The following MRTFB variants were observed in gnomAD, a reference collection of about 807,000 sequenced individuals.
MRTFB encodes the protein myocardin-related transcription factor B.
A neutral mutation model predicts 104.2 loss-of-function variants in MRTFB; 29 were observed. The observed-to-expected ratio is 0.28, with a 90% CI of 0.21 to 0.38. MRTFB has a LOEUF of 0.38. MRTFB is among the 10% of genes least tolerant of loss of function. The probability of loss-of-function intolerance (pLI) is 1.00; values close to 1 mark genes in which losing one functional copy is unlikely to be tolerated. For missense variants in MRTFB, 1,270 were observed against 1,341.6 expected (o/e 0.95, Z 0.83); for synonymous variants, 535 against 519.5 (o/e 1.03, Z -0.41).
rs1362449598 is a variant in MRTFB at position 14,261,863 on chromosome 16, A to C, written c.*419A>C. 6.4e-6 allele frequency: 1 copy of C among 156,766 alleles called. No individual in the cohort carries two copies. The highest frequency in any genetic ancestry group is 1.4e-5 in the Non-Finnish European group (1 of 71,082). 9.7% of individuals were successfully genotyped at this position (156,766 alleles called of 1,614,324 possible). On this transcript the variant is annotated 3_prime_UTR_variant, in exon 17 of 17. Transcript: ENST00000571589. ...CAGCTCCACTCAAAAACTAAGGCTG[A>C]TGTGAGGGAGGTGAGAGGTCACTGC...
intron 2 of MRTFB, among the ~76,000 whole-genome samples, chr16:14,095,344 C>T (rs1398182395): frequency 1.3e-5 from 2 of 152,100 alleles, no homozygotes; most frequent in African/African-American, 4.8e-5. Context: ...TTCAAGATGC[C>T]CTCTGTGCTA....
the MRTFB span, among the ~76,000 whole-genome samples, chr16:14,003,541 C>A: frequency 6.6e-6 from 1 of 152,184 alleles, no homozygotes; most frequent in African/African-American, 2.4e-5. Flanking sequence ...CCAGCCTGCT[C>A]TGCAGAGCAT....
chr16:14,045,446 G>A, the MRTFB span, among the ~76,000 whole-genome samples: 2 of 152,200 alleles, frequency 1.3e-5, no homozygotes, highest in Admixed American at 6.5e-5. Flanking sequence ...TGAAGAGAGA[G>A]GTGACTCAGA....
intron 3 of MRTFB, among the ~76,000 whole-genome samples, chr16:14,180,188 G>A (rs1050804418): frequency 6.6e-6 from 1 of 152,206 alleles, no homozygotes; most frequent in Admixed American, 6.5e-5. Context: ...AAGAGACAGA[G>A]ATTGTGTCAC....
intron 15 of MRTFB, 49 bp downstream of exon 15, chr16:14,252,551 A>C (rs1393604147): frequency 6.2e-7 from 1 of 1,608,204 alleles, no homozygotes; most frequent in Non-Finnish European, 8.5e-7. Context: ...GGATGTGCCC[A>C]CGTTCAGTCT....
the MRTFB span, among the ~76,000 whole-genome samples, chr16:14,001,913 C>T: frequency 1.8e-4 from 27 of 152,362 alleles, no homozygotes; most frequent in African/African-American, 6.0e-4. Context: ...CTTGTTCCAA[C>T]TCAATTATTA....
the MRTFB span, among the ~76,000 whole-genome samples, chr16:14,056,963 A>G: frequency 6.6e-6 from 1 of 152,202 alleles, no homozygotes; most frequent in Non-Finnish European, 1.5e-5. Context: ...GGTAAGCTGT[A>G]AAAATATGCT....
At chr16:14,059,491 G>C in the MRTFB span, among the ~76,000 whole-genome samples, 2 of 152,132 alleles carry the variant, frequency 1.3e-5, no homozygotes, top group Non-Finnish European at 1.5e-5. Context: ...ATGCTAGTCA[G>C]ATGACCCAAG....
intron 2 of MRTFB, among the ~76,000 whole-genome samples, chr16:14,135,612 C>T (rs1016081009): frequency 2.2e-4 from 33 of 152,328 alleles, no homozygotes; most frequent in Non-Finnish European, 3.5e-4. Context: ...TTAAGCATGA[C>T]TATATTTGAA....
the MRTFB span, among the ~76,000 whole-genome samples, chr16:14,046,849 C>G: frequency 6.6e-6 from 1 of 152,188 alleles, no homozygotes; most frequent in African/African-American, 2.4e-5. Flanking sequence ...AATAGCAATT[C>G]TTTATGCAGT....
At chr16:14,254,961 A>G (rs1292821790) in intron 15 of MRTFB, among the ~76,000 whole-genome samples, 1 of 152,270 alleles carries the variant, frequency 6.6e-6, no homozygotes, top group Non-Finnish European at 1.5e-5. Flanking sequence ...CCATGTGGAT[A>G]CAGAAATGAT....
chr16:14,058,768 G>T, the MRTFB span, among the ~76,000 whole-genome samples: 1,325 of 143,052 alleles, frequency 9.3e-3, 26 homozygotes, highest in African/African-American at 0.033. Context: ...GCCCAGGCTG[G>T]AGTGCAGTGG....
intron 2 of MRTFB, among the ~76,000 whole-genome samples, chr16:14,124,735 G>C (rs536777248): frequency 4.1e-4 from 63 of 152,200 alleles, no homozygotes; most frequent in African/African-American, 1.4e-3. Flanking sequence ...TTTTTGTTGT[G>C]TCTCTGCCAG....
In MRTFB at chr16:14,218,804, T is replaced by TC. The variant is rs745749315; in HGVS notation, c.515-15dup. On this transcript the variant is annotated splice_polypyrimidine_tract_variant and intron_variant, in intron 7 of 16. Coordinates refer to ENST00000571589, the MANE Select transcript of MRTFB (RefSeq NM_001308142.2). The stretch of plus-strand genomic sequence containing the variant: ...AAGCCAACATAAGTCAAGTCAAAAA[T>TC]CATTTCTTTCTTTAGGCGTTGGGAA... 1 of 1,574,280 alleles carries TC rather than the reference T, an allele frequency of 6.4e-7. No homozygotes were observed. Among genetic ancestry groups the TC allele is most frequent in the African/African-American group, 1.4e-5 (1 of 73,792 alleles).
the MRTFB span, among the ~76,000 whole-genome samples, chr16:14,030,725 C>T: frequency 3.9e-5 from 6 of 152,192 alleles, no homozygotes; most frequent in East Asian, 1.9e-4. Context: ...GTGGCAGAGC[C>T]GATCCAATCA....
chr16:14,144,545 T>C (rs2038193259), intron 3 of MRTFB: 1 of 152,150 alleles, frequency 6.6e-6, no homozygotes, highest in Non-Finnish European at 1.5e-5. Context: ...ATAGTAGATT[T>C]TAAGTGTTGT....
the MRTFB span, among the ~76,000 whole-genome samples, chr16:14,045,473 C>G: frequency 2.8e-4 from 42 of 152,174 alleles, no homozygotes; most frequent in African/African-American, 8.9e-4. Flanking sequence ...AGCCAGCAGA[C>G]AGATTAGAGA....
chr16:14,174,274 A>C (rs182828190), intron 3 of MRTFB, among the ~76,000 whole-genome samples: 1 of 152,178 alleles, frequency 6.6e-6, no homozygotes, highest in Non-Finnish European at 1.5e-5. Flanking sequence ...AATTGTGTCT[A>C]TGTCACATTG....
At chr16:13,998,870 TCAAAAAAAAA>T in the MRTFB span, among the ~76,000 whole-genome samples, 23 of 24,758 alleles carry the variant, frequency 9.3e-4, no homozygotes, top group African/African-American at 2.2e-3. Context: ...AGACTCTGTT[TCAAAAAAAAA>T]AAAAAAAAAA....
Sources: gnomAD v4.1 joint callset for allele counts (sites outside exome capture counted in the v4.1 genomes callset) on GRCh38, gnomAD v4.1.1 for gene constraint, MANE v1.5 for transcripts, NCBI Gene and HGNC (gene_info 2026-07-23, HGNC 2026-07-21) for gene names.